The following SP5 variants were observed in gnomAD, a reference collection of about 807,000 sequenced individuals.
The protein encoded by SP5 is Sp5 transcription factor.
In SP5, 12 loss-of-function variants were observed where a neutral mutation model predicts 27.4. The ratio of observed to expected loss-of-function variants is 0.44; its 90% CI spans 0.28 to 0.71. The LOEUF is 0.71. Ranked by LOEUF, SP5 falls within the 30% of genes least tolerant of loss-of-function variation. SP5 has a pLI of 0.15. For missense variants in SP5, 660 were observed against 589.8 expected, an observed-to-expected ratio of 1.12 and a Z score of -1.23; for synonymous variants, 330 against 290.7, an observed-to-expected ratio of 1.14 and a Z score of -1.38.
chr2:170,716,041 A>G, intron 1 of SP5: 1 of 1,393,442 alleles, frequency 7.2e-7, no homozygotes, highest in African/African-American at 1.5e-5. Flanking sequence ...GTAGTTTAGC[A>G]AGAAGCGCTC....
In SP5 at chr2:170,715,384, G is replaced by A. The variant is rs1700037625; in HGVS notation, c.-129G>A. The A allele has an allele frequency of 7.8e-7, 1 of 1,276,030 alleles. No homozygotes were observed. 79.0% of individuals were successfully genotyped at this position (1,276,030 alleles called of 1,614,324 possible). On this transcript the variant is annotated 5_prime_UTR_variant, in exon 1 of 2. Transcript: ENST00000375281. Reference sequence around the variant, plus strand: ...GCGGGGCGCGGCGAGGGGCAAGGGCGGGGAGGGCCCCGGCGCTCAGAGCAG... The same window carrying A: ...GCGGGGCGCGGCGAGGGGCAAGGGCAGGGAGGGCCCCGGCGCTCAGAGCAG...
chr2:170,715,784 A>C (rs1206945622), intron 1 of SP5: 3 of 985,156 alleles, frequency 3.0e-6, no homozygotes, highest in Non-Finnish European at 3.6e-6. Flanking sequence ...CGGCTGGCCG[A>C]GAACAGGACC....
chr2:170,716,785 C>T lies in SP5; in HGVS notation c.578C>T (p.Pro193Leu). ...APDDLPWWSI[P>L]QAGAGPGASG... is the part of the protein sequence containing the mutation. ...GACGACCTCCCGTGGTGGAGCATCC[C>T]GCAGGCGGGCGCCGGGCCGGGGGCC... The change falls in exon 2 of 2, where the codon CCG becomes CTG. Residue 193 changes from proline to leucine, a missense_variant. By Grantham distance (98) the Pro-to-Leu change is moderately conservative. Coordinates refer to ENST00000375281, the MANE Select transcript of SP5 (RefSeq NM_001003845.3). 7.1e-7 allele frequency: 1 copy of T among 1,409,570 alleles called. No individual in the cohort carries two copies. The highest frequency in any genetic ancestry group is 9.2e-7 in the Non-Finnish European group (1 of 1,087,428). The allele number at this position is 1,409,570 out of a possible 1,614,324, so 87.3% of individuals were successfully genotyped here.
In SP5 at chr2:170,717,354, C is replaced by G; in HGVS notation, c.1147C>G (p.Leu383Val). The change falls in exon 2 of 2, where the codon CTC (leucine) becomes GTC (valine). Residue 383 changes from leucine to valine, a missense_variant. Transcript: ENST00000375281. Reference sequence around the variant, plus strand: ...CGTCAAGACTCACCAGAATAAGAAGCTCAAAGTCGCTGAGGCCGGGGTTAA... The same window carrying G: ...CGTCAAGACTCACCAGAATAAGAAGGTCAAAGTCGCTGAGGCCGGGGTTAA... ...KHVKTHQNKK[L>V]KVAEAGVKRE... 1.2e-6 allele frequency: 2 copies of G among 1,611,126 alleles called. No homozygotes were observed.
intron 1 of SP5, 51 bp downstream of exon 1, chr2:170,715,614 C>A (rs377728415): frequency 6.5e-7 from 1 of 1,531,268 alleles, no homozygotes; most frequent in Non-Finnish European, 8.8e-7. Context: ...GGGCCGTGTC[C>A]GGATCTCTCC....
rs1016611512 is a variant in SP5 at position 170,716,003 on chromosome 2, A to T, written c.52-256A>T. ...CTCCCACTTCGCGCCTGCTTCCTCTAAGGCTGGATGGCGTCTCAGTGCACC... is the reference window on the plus strand; with the variant it reads ...CTCCCACTTCGCGCCTGCTTCCTCTTAGGCTGGATGGCGTCTCAGTGCACC... On this transcript the variant is annotated intron_variant, in intron 1 of 1. Transcript: ENST00000375281. 3.7e-6 allele frequency: 5 copies of T among 1,365,422 alleles called. No homozygotes were observed. In the African/African-American group the frequency reaches 6.1e-5, roughly 17 times the overall value. 84.6% of individuals were successfully genotyped at this position (1,365,422 alleles called of 1,614,324 possible).
chr2:170,715,744 C>G, intron 1 of SP5, 181 bp downstream of exon 1: 1 of 985,400 alleles, frequency 1.0e-6, no homozygotes, highest in Non-Finnish European at 1.2e-6. Context: ...GCTGGAGGGA[C>G]GCGTGGATCC....
chr2:170,715,344 G>C lies in SP5; in HGVS notation c.-169G>C. 1 of 819,330 alleles carries C rather than the reference G, an allele frequency of 1.2e-6. No individual in the cohort carries two copies. Among genetic ancestry groups the C allele is most frequent in the Non-Finnish European group, 1.7e-6 (1 of 577,008 alleles). 50.8% of individuals were successfully genotyped at this position (819,330 alleles called of 1,614,324 possible). A position where few individuals can be genotyped will look rare whatever the true frequency, so the allele number is the denominator to read the frequency against. ...GGTGATCCTGAAGCGCTCAGACCGC[G>C]CGCGGGGCGAGCGAGCGGGGCGCGG... On this transcript the variant is annotated 5_prime_UTR_variant, in exon 1 of 2. Coordinates refer to ENST00000375281, the MANE Select transcript of SP5 (RefSeq NM_001003845.3).
At position 170,717,738 on chromosome 2, in the gene SP5, C is replaced by G. The variant is rs1423483607; in HGVS notation, c.*334C>G. 17 of 397,334 alleles carry G rather than the reference C, an allele frequency of 4.3e-5. No homozygotes were observed. The highest frequency in any genetic ancestry group is 3.5e-4 in the African/African-American group (17 of 48,716). The allele number at this position is 397,334 out of a possible 1,614,324, so 24.6% of individuals were successfully genotyped here. ...CTTGTATATAGGAAATGCTGCTGAA[C>G]TGAATAGAAAGGAACTTGGGAGATT... On this transcript the variant is annotated 3_prime_UTR_variant, in exon 2 of 2. Transcript: ENST00000375281.
Position 170,717,066 on chromosome 2 carries a change from G to A in SP5, c.859G>A (p.Glu287Lys). 8 of 1,554,106 alleles carry A rather than the reference G, an allele frequency of 5.1e-6. No individual in the cohort carries two copies. The highest frequency in any genetic ancestry group is 2.4e-5 in the East Asian group (1 of 41,346). Residue 287 changes from glutamate to lysine, a missense_variant, in exon 2 of 2, where the codon GAG (glutamate) becomes AAG (lysine). Glu to Lys is a moderately conservative substitution (Grantham distance 56). Transcript: ENST00000375281. ...CTGCCAGGCGGCGGGCGGCGCCCCC[G>A]AGGCGGAGCCGGGGAAGAAGAAGCA... is the stretch of plus-strand genomic sequence containing the variant. ...PNCQAAGGAP[E>K]AEPGKKKQHV...
chr2:170,717,422 C>G lies in SP5; in HGVS notation c.*18C>G. On this transcript the variant is annotated 3_prime_UTR_variant, in exon 2 of 2. Coordinates refer to ENST00000375281, the MANE Select transcript of SP5 (RefSeq NM_001003845.3). ...ACCTGTGAGCCCTCCCGGAGGTGGA[C>G]CCCCTTCCCAGCACCTCTGCGAGAG... 6.2e-7 allele frequency: 1 copy of G among 1,607,860 alleles called. No homozygotes were observed. The highest frequency in any genetic ancestry group is 1.7e-5 in the Admixed American group (1 of 59,818).
Position 170,716,346 on chromosome 2 carries a change from G to A in SP5, c.139G>A (p.Gly47Ser). 1.9e-6 allele frequency: 3 copies of A among 1,595,934 alleles called. No individual in the cohort carries two copies. Among genetic ancestry groups the A allele is most frequent in the Non-Finnish European group, 2.5e-6 (3 of 1,178,680 alleles). Reference sequence around the variant, plus strand: ...CACCTGTAGCCGCATCGGCCAGCCGGGCGCGGCGGCGCCCCCGGACTTCCT... The same window carrying A: ...CACCTGTAGCCGCATCGGCCAGCCGAGCGCGGCGGCGCCCCCGGACTTCCT... ...AATCSRIGQP[G>S]AAAPPDFLQV... Residue 47 changes from glycine (G) to serine (S), a missense_variant, in exon 2 of 2, where the codon GGC becomes AGC. Physicochemically the swap from Gly to Ser is moderately conservative, Grantham distance 56. Transcript: ENST00000375281.
rs1700094410 is a variant in SP5, at chr2:170,717,414, G to A, written c.*10G>A. On this transcript the variant is annotated 3_prime_UTR_variant, in exon 2 of 2. Coordinates refer to ENST00000375281, the MANE Select transcript of SP5 (RefSeq NM_001003845.3). Reference sequence around the variant, plus strand: ...CGCGCGGGACCTGTGAGCCCTCCCGGAGGTGGACCCCCTTCCCAGCACCTC... The same window carrying A: ...CGCGCGGGACCTGTGAGCCCTCCCGAAGGTGGACCCCCTTCCCAGCACCTC... 6.2e-7 allele frequency: 1 copy of A among 1,609,298 alleles called. No homozygotes were observed. Among genetic ancestry groups the A allele is most frequent in the Non-Finnish European group, 8.5e-7 (1 of 1,179,700 alleles).
At chr2:170,715,933 T>C in intron 1 of SP5, 1 of 1,341,268 alleles carries the variant, frequency 7.5e-7, no homozygotes, top group Non-Finnish European at 9.5e-7. Context: ...GTTTCCCGAC[T>C]CTTACTGACC....
rs1134626 is a variant in SP5, at chr2:170,716,675, G to C, written c.468G>C (p.Pro156=). Residue 156 remains proline (P), a synonymous_variant, in exon 2 of 2, where the codon CCG becomes CCC. Transcript: ENST00000375281. ...CCTACGCGGCGCAGGCCGCGCTGCC[G>C]CCAGGCTACTCCAACCTGCTGCCTC... ...YVPYAAQAAL[P]PGYSNLLPPP... is the part of the protein sequence containing the mutation. 6 of 1,590,928 alleles carry C rather than the reference G, an allele frequency of 3.8e-6. No individual in the cohort carries two copies. The highest frequency in any genetic ancestry group is 2.2e-5 in the South Asian group (2 of 89,430).
In SP5 at chr2:170,716,714, G is replaced by A; in HGVS notation, c.507G>A (p.Pro169=). 6.7e-7 allele frequency: 1 copy of A among 1,488,600 alleles called. No individual in the cohort carries two copies. The highest frequency in any genetic ancestry group is 8.9e-7 in the Non-Finnish European group (1 of 1,127,218). 92.2% of individuals were successfully genotyped at this position (1,488,600 alleles called of 1,614,324 possible). A position where few individuals can be genotyped will look rare whatever the true frequency, so the allele number is the denominator to read the frequency against. Residue 169 remains proline, a synonymous_variant, in exon 2 of 2, where the codon CCG becomes CCA. Transcript: ENST00000375281. The part of the protein sequence containing the change: ...YSNLLPPPPP[P]PPPPTCRQLS... ...ACCTGCTGCCTCCGCCGCCGCCACC[G>A]CCCCCGCCGCCCACCTGCCGCCAGT...
At position 170,717,616 on chromosome 2, in the gene SP5, A is replaced by T. The variant is rs572880219; in HGVS notation, c.*212A>T. 4.4e-5 allele frequency: 29 copies of T among 661,388 alleles called. No homozygotes were observed. The African/African-American group carries it at 5.1e-4, about 12-fold the overall frequency. 41.0% of individuals were successfully genotyped at this position (661,388 alleles called of 1,614,324 possible). A position where few individuals can be genotyped will look rare whatever the true frequency, so the allele number is the denominator to read the frequency against. ...GTTGGGGCTGGGGCATTTGGATTGT[A>T]ATTGGGAGCTCTGCCGTACGCCAGG... On this transcript the variant is annotated 3_prime_UTR_variant, in exon 2 of 2. Coordinates refer to ENST00000375281, the MANE Select transcript of SP5 (RefSeq NM_001003845.3).
intron 1 of SP5, 64 bp from the exon 2 acceptor site, chr2:170,716,195 C>G: frequency 6.5e-7 from 1 of 1,531,668 alleles, no homozygotes; most frequent in Non-Finnish European, 8.7e-7. Flanking sequence ...GGCGGGCTGG[C>G]CCGGAGTCCG....
In SP5 at chr2:170,715,374, G is replaced by A; in HGVS notation, c.-139G>A. The A allele has an allele frequency of 8.6e-7, 1 of 1,158,446 alleles. No homozygotes were observed. Among genetic ancestry groups the A allele is most frequent in the Non-Finnish European group, 1.1e-6 (1 of 875,004 alleles). 71.8% of individuals were successfully genotyped at this position (1,158,446 alleles called of 1,614,324 possible). Reference sequence around the variant, plus strand: ...GGGCGAGCGAGCGGGGCGCGGCGAGGGGCAAGGGCGGGGAGGGCCCCGGCG... The same window carrying A: ...GGGCGAGCGAGCGGGGCGCGGCGAGAGGCAAGGGCGGGGAGGGCCCCGGCG... On this transcript the variant is annotated 5_prime_UTR_variant, in exon 1 of 2. Transcript: ENST00000375281.
Sources: gnomAD v4.1 joint callset for allele counts on GRCh38, gnomAD v4.1.1 for gene constraint, MANE v1.5 for transcripts, NCBI Gene and HGNC (gene_info 2026-07-23, HGNC 2026-07-21) for gene names.